Variants in ANKZF1 observed in about 807,000 individuals in gnomAD.
The protein encoded by ANKZF1 is ankyrin repeat and zinc finger peptidyl tRNA hydrolase 1, also known as tRNA endonuclease ANKZF1.
In ANKZF1, 84 loss-of-function variants were observed where a neutral mutation model predicts 86.0. The ratio of observed to expected loss-of-function variants is 0.98; its 90% confidence interval spans 0.82 to 1.17. The LOEUF is 1.17. ANKZF1 is among the 50% of genes most tolerant of loss of function. ANKZF1 has a pLI of 0.00. For missense variants in ANKZF1, 893 were observed against 918.4 expected (o/e 0.97, Z 0.36); for synonymous variants, 331 against 354.2 (o/e 0.93, Z 0.74).
rs1399446041 is a variant in ANKZF1 at position 219,234,848 on chromosome 2, T to C, written c.1227T>C (p.Asp409=). ...TAGGTTCAGGGTCGGAGGGAGAAGA[T>C]GGCTTTCAGGTAGAGTTGGAGCTAG... ...PKQGSGSEGE[D]GFQVELELVE... The change falls in exon 10 of 14, where the codon GAT becomes GAC. Residue 409 remains aspartate, a synonymous_variant. Transcript: ENST00000323348. 7 of 1,612,446 alleles carry C rather than the reference T, an allele frequency of 4.3e-6. No homozygotes were observed. The highest frequency in any genetic ancestry group is 5.9e-6 in the Non-Finnish European group (7 of 1,178,800).
rs748200374 is a variant in ANKZF1 at position 219,232,610 on chromosome 2, C to T, written c.485C>T (p.Pro162Leu). 5.0e-5 allele frequency: 81 copies of T among 1,614,204 alleles called. No individual in the cohort carries two copies. In the Middle Eastern group the frequency reaches 8.3e-4, roughly 16 times the overall value. Residue 162 changes from proline to leucine, a missense_variant, in exon 5 of 14, where the codon CCT becomes CTT. Coordinates refer to ENST00000323348, the MANE Select transcript of ANKZF1 (RefSeq NM_018089.3). ...TTGAGCCGACCCCCAGGCTTTTACC[C>T]TCATCGAGTTCTTTTCCAGAATGCC... The part of the protein sequence containing the change: ...EKLSRPPGFY[P>L]HRVLFQNAQG...
chr2:219,234,781 C>T, intron 9 of ANKZF1, 45 bp from the exon 10 acceptor site: 1 of 1,555,252 alleles, frequency 6.4e-7, no homozygotes. Context: ...CTTCTACCCT[C>T]TGAGTACTCC....
Position 219,235,552 on chromosome 2 carries a change from G to C in ANKZF1, c.1770G>C (p.Lys590Asn), listed in dbSNP as rs750701800. Residue 590 changes from lysine to asparagine, a missense_variant, in exon 11 of 14, where the codon AAG (lysine) becomes AAC (asparagine). Coordinates refer to ENST00000323348, the MANE Select transcript of ANKZF1 (RefSeq NM_018089.3). Reference sequence around the variant, plus strand: ...ATGAGTTCCGAAGGTTCATGGAGAAGAATCCAGATGCCTACGATTACAACA... The same window carrying C: ...ATGAGTTCCGAAGGTTCATGGAGAACAATCCAGATGCCTACGATTACAACA... ...TRNEFRRFMEKNPDAYDYNKA... is the reference protein window; with the variant it reads ...TRNEFRRFMENNPDAYDYNKA... 1.2e-6 allele frequency: 2 copies of C among 1,614,084 alleles called. No individual in the cohort carries two copies. Among genetic ancestry groups the C allele is most frequent in the South Asian group, 1.1e-5 (1 of 91,082 alleles).
Position 219,234,131 on chromosome 2 carries a change from A to G in ANKZF1, c.1049-2A>G. 1 of 1,605,552 alleles carries G rather than the reference A, an allele frequency of 6.2e-7. No homozygotes were observed. Among genetic ancestry groups the G allele is most frequent in the Non-Finnish European group, 8.5e-7 (1 of 1,177,848 alleles). ...TGAGAAAGATCTTTTCTTTTATGGC[A>G]GAAGAAGACCCTCGGGAAGCAGTCA... On this transcript the variant is annotated splice_acceptor_variant, in intron 8 of 13. Transcript: ENST00000323348. LOFTEE classifies it high-confidence loss of function.
At position 219,235,295 on chromosome 2, in the gene ANKZF1, T is replaced by C. The variant is rs1480154624; in HGVS notation, c.1674T>C (p.Gly558=). Residue 558 remains glycine (G), a synonymous_variant, in exon 10 of 14, where the codon GGT becomes GGC. Transcript: ENST00000323348. ...GSVVRLLLEA[G]ADPTVQDSRA... ...TGGTTCGTCTGCTGCTGGAAGCAGGTGCTGACCCCACTGTGCAGTGAGTAA... is the reference window on the plus strand; with the variant it reads ...TGGTTCGTCTGCTGCTGGAAGCAGGCGCTGACCCCACTGTGCAGTGAGTAA... 6.2e-7 allele frequency: 1 copy of C among 1,611,150 alleles called. No individual in the cohort carries two copies. The highest frequency in any genetic ancestry group is 1.7e-5 in the Admixed American group (1 of 60,006).
chr2:219,233,525 AT>A (rs1951109202), intron 7 of ANKZF1, 92 bp downstream of exon 7: 7 of 1,459,388 alleles, frequency 4.8e-6, no homozygotes, highest in Non-Finnish European at 5.5e-6. Flanking sequence ...TTTTTGACTC[AT>A]ATCCTTCCAA....
Position 219,236,059 on chromosome 2 carries a change from C to T in ANKZF1, c.2021C>T (p.Thr674Ile). The T allele has an allele frequency of 1.2e-6, 2 of 1,614,232 alleles. No individual in the cohort carries two copies. The highest frequency in any genetic ancestry group is 1.7e-6 in the Non-Finnish European group (2 of 1,180,042). Residue 674 changes from threonine to isoleucine, a missense_variant, in exon 13 of 14, where the codon ACC (threonine) becomes ATC (isoleucine). Transcript: ENST00000323348. ...RRLAAQLGAP[T>I]SPIPDSAIVN... ...CTCGCTGCCCAGTTGGGAGCCCCTA[C>T]CTCTCCAATCCCTGACTCTGCAATC...
intron 1 of ANKZF1, 41 bp from the exon 2 acceptor site, chr2:219,230,187 C>G: frequency 6.4e-7 from 1 of 1,551,020 alleles, no homozygotes; most frequent in Non-Finnish European, 8.8e-7. Context: ...AGTAGGATCT[C>G]GTTTGCAGGA....
chr2:219,236,618 T>A lies in ANKZF1; in HGVS notation c.*173T>A. On this transcript the variant is annotated 3_prime_UTR_variant, in exon 14 of 14. Transcript: ENST00000323348. ...AGGTATGTGGAGCTGGTACTGTCTC[T>A]GGAATTTTAATCACAATAAAGTTTG... 1 of 850,290 alleles carries A rather than the reference T, an allele frequency of 1.2e-6. No homozygotes were observed. Among genetic ancestry groups the A allele is most frequent in the Non-Finnish European group, 1.7e-6 (1 of 576,080 alleles). 52.7% of individuals were successfully genotyped at this position (850,290 alleles called of 1,614,324 possible). A position where few individuals can be genotyped will look rare whatever the true frequency, so the allele number is the denominator to read the frequency against.
chr2:219,231,855 C>A, intron 2 of ANKZF1, 73 bp from the exon 3 acceptor site: 2 of 1,248,208 alleles, frequency 1.6e-6, no homozygotes, highest in Non-Finnish European at 1.2e-6. Flanking sequence ...TTGTATATCA[C>A]ACTCTGAATA....
In ANKZF1 at chr2:219,230,367, G is replaced by A. The variant is rs1284119297; in HGVS notation, c.110G>A (p.Gly37Glu). 6.2e-7 allele frequency: 1 copy of A among 1,613,608 alleles called. No homozygotes were observed. The highest frequency in any genetic ancestry group is 1.7e-5 in the Admixed American group (1 of 59,994). ...QGLSLVSHAP[G>E]EALARAPRTS... ...CTGAGCCTGGTGAGCCACGCGCCTGGGGAGGCTCTGGCCCGGGCTCCGCGT... is the reference window on the plus strand; with the variant it reads ...CTGAGCCTGGTGAGCCACGCGCCTGAGGAGGCTCTGGCCCGGGCTCCGCGT... Residue 37 changes from glycine to glutamate, a missense_variant, in exon 2 of 14, where the codon GGG becomes GAG. Coordinates refer to ENST00000323348, the MANE Select transcript of ANKZF1 (RefSeq NM_018089.3).
At chr2:219,233,480 T>C (rs769168279) in intron 7 of ANKZF1, 47 bp downstream of exon 7, 1 of 1,528,990 alleles carries the variant, frequency 6.5e-7, no homozygotes, top group Admixed American at 2.2e-5. Context: ...ATACTTTTTT[T>C]GCATCTCTGT....
intron 12 of ANKZF1, 47 bp from the exon 13 acceptor site, chr2:219,235,963 C>G (rs777162574): frequency 6.2e-7 from 1 of 1,614,022 alleles, no homozygotes; most frequent in Admixed American, 1.7e-5. Context: ...CTTGGGTGCC[C>G]TACTCGCCAC....
chr2:219,234,598 A>G (rs1366212413), intron 9 of ANKZF1: 4 of 670,508 alleles, frequency 6.0e-6, no homozygotes, highest in African/African-American at 1.8e-5. Flanking sequence ...GCTTTCCTCT[A>G]TTGTGCGGCA....
rs772627468 is a variant in ANKZF1, at chr2:219,232,340, C to G, written c.342C>G (p.Asp114Glu). Residue 114 changes from aspartate (D) to glutamate (E), a missense_variant, in exon 4 of 14, where the codon GAC becomes GAG. Transcript: ENST00000323348. ...ACAAGCCTCTCCTGTCTGCCCTGGA[C>G]TTTGAAAAGCAGAGCTCCACAGGTG... ...LKDKPLLSAL[D>E]FEKQSSTGDL... 1 of 1,614,206 alleles carries G rather than the reference C, an allele frequency of 6.2e-7. No individual in the cohort carries two copies. The highest frequency in any genetic ancestry group is 1.1e-5 in the South Asian group (1 of 91,084).
Position 219,232,283 on chromosome 2 carries a change from G to T in ANKZF1, c.285G>T (p.Trp95Cys). ...AGAGGGAACATTATAAGCTTGACTGGCATCGGTTTAACCTAAAGCAACGTC... is the reference window on the plus strand; with the variant it reads ...AGAGGGAACATTATAAGCTTGACTGTCATCGGTTTAACCTAAAGCAACGTC... The part of the protein sequence containing the change: ...QEQREHYKLD[W>C]HRFNLKQRLK... The change falls in exon 4 of 14, where the codon TGG becomes TGT. Residue 95 changes from tryptophan to cysteine, a missense_variant. By Grantham distance (215) the Trp-to-Cys change is radical (BLOSUM62 -2). Transcript: ENST00000323348. 1 of 1,614,146 alleles carries T rather than the reference G, an allele frequency of 6.2e-7. No individual in the cohort carries two copies. Among genetic ancestry groups the T allele is most frequent in the Middle Eastern group, 1.6e-4 (1 of 6,062 alleles).
rs1402751447 is a variant in ANKZF1 at position 219,231,970 on chromosome 2, G to A, written c.191G>A (p.Gly64Asp). The A allele has an allele frequency of 1.9e-6, 3 of 1,613,954 alleles. No homozygotes were observed. The highest frequency in any genetic ancestry group is 2.5e-6 in the Non-Finnish European group (3 of 1,179,994). The part of the protein sequence containing the change: ...RESPERKLLQ[G>D]PMDISEKLFC... ...AGCCCAGAAAGAAAGCTACTCCAGG[G>A]TCCTATGGATATTTCAGAGAAGTTA... The change falls in exon 3 of 14, where the codon GGT becomes GAT. Residue 64 changes from glycine to aspartate, a missense_variant. Transcript: ENST00000323348.
At chr2:219,233,987 C>A in intron 8 of ANKZF1, 44 bp downstream of exon 8, 1 of 1,533,848 alleles carries the variant, frequency 6.5e-7, no homozygotes, top group Non-Finnish European at 8.7e-7. Context: ...CCTTCCTGTT[C>A]TCTCCAACCT....
chr2:219,231,191 T>G (rs1239012849), intron 2 of ANKZF1: 1 of 154,600 alleles, frequency 6.5e-6, no homozygotes, highest in Non-Finnish European at 1.5e-5. Context: ...ATTATTTTCT[T>G]TAGGATTCAC....
Sources: gnomAD v4.1 joint callset for allele counts on GRCh38, gnomAD v4.1.1 for gene constraint, MANE v1.5 for transcripts, NCBI Gene and HGNC (gene_info 2026-07-23, HGNC 2026-07-21) for gene names.